TASP1: variants seen among roughly 807,000 people sequenced by gnomAD.
TASP1 encodes threonine aspartase 1.
Under a neutral mutation model 56.6 loss-of-function variants are expected in TASP1, and 16 were observed. The observed-to-expected ratio is 0.28, with a 90% CI of 0.19 to 0.43. The LOEUF is 0.43. TASP1 is among the 20% of genes least tolerant of loss of function. The pLI is 1.00. For synonymous variants in TASP1, 179 were observed against 184.2 expected (o/e 0.97, Z 0.23); for missense variants, 393 against 511.6 (o/e 0.77, Z 2.24).
At chr20:13,594,881 C>G (rs967382053) in intron 4 of TASP1, among the ~76,000 whole-genome samples, 1 of 152,122 alleles carries the variant, frequency 6.6e-6, no homozygotes, top group Non-Finnish European at 1.5e-5. Context: ...GAGAACACCA[C>G]AAAGATACTC....
chr20:13,207,125 T>C, the TASP1 span, among the ~76,000 whole-genome samples: 1 of 152,186 alleles, frequency 6.6e-6, no homozygotes, highest in South Asian at 2.1e-4. Flanking sequence ...ACAATCACTC[T>C]ATAACTTAGT....
At chr20:13,520,775 G>A (rs2044719739) in intron 10 of TASP1, among the ~76,000 whole-genome samples, 2 of 152,214 alleles carry the variant, frequency 1.3e-5, no homozygotes, top group South Asian at 4.1e-4. Flanking sequence ...TGACAAATGG[G>A]ATCTAATTAA....
intron 7 of TASP1, among the ~76,000 whole-genome samples, chr20:13,564,592 A>G (rs1227073428): frequency 4.6e-5 from 7 of 151,794 alleles, no homozygotes; most frequent in African/African-American, 1.7e-4. Context: ...TATCAATCCT[A>G]AAATTCATGT....
intron 8 of TASP1, among the ~76,000 whole-genome samples, chr20:13,549,331 C>T (rs1302303803): frequency 6.6e-6 from 1 of 152,078 alleles, no homozygotes; most frequent in African/African-American, 2.4e-5. Flanking sequence ...TGAACCAAGG[C>T]TTTAAAAAGT....
chr20:13,256,395 CAAAAAAA>C, the TASP1 span, among the ~76,000 whole-genome samples: 145 of 71,788 alleles, frequency 2.0e-3, 1 homozygote, highest in Non-Finnish European at 3.2e-3. Context: ...GACCCCGTCT[CAAAAAAA>C]AAAAAAAAAA....
At chr20:13,373,660 C>G in the TASP1 span, among the ~76,000 whole-genome samples, 22 of 152,122 alleles carry the variant, frequency 1.4e-4, no homozygotes, top group African/African-American at 5.3e-4. Context: ...ACATTTTTCT[C>G]TTGCTGCTTT....
intron 10 of TASP1, among the ~76,000 whole-genome samples, chr20:13,497,420 T>C (rs1041658312): frequency 2.6e-5 from 4 of 152,218 alleles, no homozygotes; most frequent in African/African-American, 7.2e-5. Flanking sequence ...GAAGATCTCA[T>C]AGGTGGGTGA....
At chr20:13,417,837 A>C (rs1039251496) in intron 12 of TASP1, among the ~76,000 whole-genome samples, 1 of 151,904 alleles carries the variant, frequency 6.6e-6, no homozygotes, top group Non-Finnish European at 1.5e-5. Context: ...TGATTTTGTA[A>C]ATGTAATATT....
chr20:13,588,912 C>T (rs1314479507), intron 4 of TASP1, among the ~76,000 whole-genome samples: 1 of 151,998 alleles, frequency 6.6e-6, no homozygotes, highest in African/African-American at 2.4e-5. Flanking sequence ...CTACAGTAAT[C>T]AAGACAGTGT....
chr20:13,144,963 C>T, the TASP1 span, among the ~76,000 whole-genome samples: 2 of 151,970 alleles, frequency 1.3e-5, no homozygotes, highest in Non-Finnish European at 2.9e-5. Flanking sequence ...TTTTAGTAGA[C>T]ACAGGGTTTC....
chr20:13,162,043 A>G, the TASP1 span, among the ~76,000 whole-genome samples: 1 of 152,222 alleles, frequency 6.6e-6, no homozygotes, highest in Non-Finnish European at 1.5e-5. Flanking sequence ...GTATTTCCAG[A>G]ATGTGAATTT....
chr20:13,470,974 C>T (rs1425319793), intron 11 of TASP1, among the ~76,000 whole-genome samples: 1 of 152,124 alleles, frequency 6.6e-6, no homozygotes, highest in African/African-American at 2.4e-5. Flanking sequence ...TTTTCTCTTC[C>T]CTCATTCTTT....
intron 10 of TASP1, among the ~76,000 whole-genome samples, chr20:13,493,039 C>T (rs993020606): frequency 6.6e-6 from 1 of 152,094 alleles, no homozygotes; most frequent in South Asian, 2.1e-4. Flanking sequence ...CCAAATCACA[C>T]ACTCATACGA....
the TASP1 span, chr20:13,168,084 T>C: frequency 6.6e-6 from 1 of 152,308 alleles, no homozygotes; most frequent in Admixed American, 6.5e-5. Flanking sequence ...CCATCTGCGA[T>C]TCATTTGGGT....
intron 7 of TASP1, among the ~76,000 whole-genome samples, chr20:13,559,866 T>A (rs2046283356): frequency 6.6e-6 from 1 of 152,008 alleles, no homozygotes; most frequent in African/African-American, 2.4e-5. Context: ...GGAAAATTCA[T>A]AAAACACATA....
chr20:13,456,427 T>A (rs2043839352), intron 11 of TASP1, among the ~76,000 whole-genome samples: 1 of 152,066 alleles, frequency 6.6e-6, no homozygotes, highest in Admixed American at 6.6e-5. Flanking sequence ...CACCATATAG[T>A]CCTGATTTGG....
chr20:13,309,951 A>T, the TASP1 span, among the ~76,000 whole-genome samples: 2 of 152,280 alleles, frequency 1.3e-5, no homozygotes, highest in East Asian at 3.9e-4. Context: ...AAAAATAAAC[A>T]CTTGAAAAAA....
intron 12 of TASP1, among the ~76,000 whole-genome samples, chr20:13,430,743 T>C (rs2042777698): frequency 6.6e-6 from 1 of 152,208 alleles, no homozygotes; most frequent in Non-Finnish European, 1.5e-5. Flanking sequence ...CAACAAACTA[T>C]GGACAAAGCA....
At chr20:13,257,207 A>T in the TASP1 span, among the ~76,000 whole-genome samples, 1 of 152,162 alleles carries the variant, frequency 6.6e-6, no homozygotes, top group African/African-American at 2.4e-5. Flanking sequence ...AGTAACAGAG[A>T]AGCTTGGCTT....
Sources: gnomAD v4.1 joint callset for allele counts (sites outside exome capture counted in the v4.1 genomes callset) on GRCh38, gnomAD v4.1.1 for gene constraint, MANE v1.5 for transcripts, NCBI Gene and HGNC (gene_info 2026-07-23, HGNC 2026-07-21) for gene names.